The following RAB2B variants were observed in gnomAD, a reference collection of about 807,000 sequenced individuals.
RAB2B encodes RAB2B, member RAS oncogene family.
A neutral mutation model predicts 29.8 loss-of-function variants in RAB2B; 20 were observed. The ratio of observed to expected loss-of-function variants is 0.67; its 90% CI spans 0.47 to 0.97. The LOEUF is 0.97. RAB2B is among the 50% of genes least tolerant of loss of function. The probability of loss-of-function intolerance (pLI) is 0.00; values close to 1 mark genes in which losing one functional copy is unlikely to be tolerated. For missense variants in RAB2B, 218 were observed against 272.0 expected (o/e 0.80, Z 1.40); for synonymous variants, 93 against 91.7 (o/e 1.01, Z -0.08).
chr14:21,474,808 T>C, intron 3 of RAB2B, 59 bp downstream of exon 3: 2 of 1,401,610 alleles, frequency 1.4e-6, no homozygotes, highest in Non-Finnish European at 2.0e-6. Context: ...TTCCTTTGCA[T>C]CAGCTTTTCT....
At chr14:21,471,473 C>A (rs142533041) in intron 3 of RAB2B, among the ~76,000 whole-genome samples, 1 of 151,818 alleles carries the variant, frequency 6.6e-6, no homozygotes, top group African/African-American at 2.4e-5. Flanking sequence ...AAAAAATTAG[C>A]CAGGTGTGAT....
intron 5 of RAB2B, 45 bp from the exon 6 acceptor site, chr14:21,463,812 G>A (rs1566467205): frequency 2.4e-6 from 3 of 1,261,646 alleles, no homozygotes; most frequent in African/African-American, 1.5e-5. Context: ...AAAGATCCAA[G>A]TGAAAGAGGA....
At chr14:21,461,734 G>A (rs1464520361) in intron 7 of RAB2B, among the ~76,000 whole-genome samples, 1 of 152,128 alleles carries the variant, frequency 6.6e-6, no homozygotes, top group East Asian at 1.9e-4. Context: ...GTGCGCCACT[G>A]CACCCCTGTG....
intron 3 of RAB2B, chr14:21,474,443 TAAAAAC>T (rs6145264): frequency 0.82 from 141,894 of 173,344 alleles, 59,601 homozygotes; most frequent in Middle Eastern, 0.92. Context: ...TAAACACTAA[TAAAAAC>T]AAAACTACTA....
At chr14:21,473,083 T>G (rs535726002) in intron 3 of RAB2B, among the ~76,000 whole-genome samples, 17 of 144,068 alleles carry the variant, frequency 1.2e-4, no homozygotes, top group African/African-American at 3.8e-4. Context: ...TCTGTAGAGA[T>G]AGACGGATAG....
chr14:21,465,653 G>A (rs1478355872), intron 5 of RAB2B, among the ~76,000 whole-genome samples: 1 of 152,048 alleles, frequency 6.6e-6, no homozygotes, highest in Non-Finnish European at 1.5e-5. Context: ...ACTTTAAAAT[G>A]CTTCAGGTGT....
chr14:21,476,622 G>A (rs200880294), intron 1 of RAB2B, 23 bp from the exon 2 acceptor site: 19 of 1,613,480 alleles, frequency 1.2e-5, no homozygotes, highest in South Asian at 1.1e-4. Context: ...GCACACTCCC[G>A]GAATCACGCA....
At chr14:21,462,709 G>A (rs1307433696) in intron 6 of RAB2B, among the ~76,000 whole-genome samples, 5 of 151,692 alleles carry the variant, frequency 3.3e-5, no homozygotes, top group African/African-American at 9.7e-5. Flanking sequence ...GCGTGGTGGC[G>A]CATGCCTGTA....
chr14:21,475,046 A>C (rs1890914438), intron 2 of RAB2B, 112 bp from the exon 3 acceptor site: 1 of 766,234 alleles, frequency 1.3e-6, no homozygotes, highest in Admixed American at 2.1e-5. Context: ...TCTGAACTCA[A>C]TGCCACTAAT....
chr14:21,469,957 TC>T (rs372920041), intron 3 of RAB2B, among the ~76,000 whole-genome samples: 1,815 of 123,690 alleles, frequency 0.015, 55 homozygotes, highest in African/African-American at 0.084. Context: ...TTTTTTTTTT[TC>T]TTTTTTTTTT....
intron 3 of RAB2B, among the ~76,000 whole-genome samples, chr14:21,469,955 TTTC>T (rs1167736783): frequency 0.065 from 9,460 of 146,084 alleles, 1,137 homozygotes; most frequent in African/African-American, 0.25. Flanking sequence ...CCTTTTTTTT[TTTC>T]TTTTTTTTTT....
chr14:21,461,339 T>C (rs746053735), intron 7 of RAB2B, 36 bp from the exon 8 acceptor site: 28 of 1,483,916 alleles, frequency 1.9e-5, no homozygotes, highest in Non-Finnish European at 2.4e-5. Context: ...CCCACCTCAG[T>C]GTTAAAGTGA....
At position 21,460,410 on chromosome 14, in the gene RAB2B, C is replaced by A. The variant is rs1406957668; in HGVS notation, c.*786G>T. 8 of 416,408 alleles carry A rather than the reference C, an allele frequency of 1.9e-5. No homozygotes were observed. The highest frequency in any genetic ancestry group is 1.1e-4 in the South Asian group (6 of 56,598). 25.8% of individuals were successfully genotyped at this position (416,408 alleles called of 1,614,324 possible). A position where few individuals can be genotyped will look rare whatever the true frequency, so the allele number is the denominator to read the frequency against. ...GACCATCCTGGCCAACATGGTGAAA[C>A]CCTGTCTCTACTAAAAATACAAAAA... is the stretch of plus-strand genomic sequence containing the variant. On this transcript the variant is annotated 3_prime_UTR_variant, in exon 8 of 8. Transcript: ENST00000397762.
At chr14:21,470,682 C>T (rs919682660) in intron 3 of RAB2B, among the ~76,000 whole-genome samples, 2 of 152,130 alleles carry the variant, frequency 1.3e-5, no homozygotes, top group Non-Finnish European at 2.9e-5. Context: ...CCTTTTAGCA[C>T]TTACTTTTTC....
intron 7 of RAB2B, 77 bp from the exon 8 acceptor site, chr14:21,461,380 G>T: frequency 1.2e-6 from 1 of 858,602 alleles, no homozygotes; most frequent in Admixed American, 2.6e-5. Flanking sequence ...ATCTCTGCTT[G>T]TATCCCAGGG....
intron 7 of RAB2B, 127 bp downstream of exon 7, chr14:21,462,222 TG>T: frequency 1.8e-6 from 1 of 549,584 alleles, no homozygotes; most frequent in Non-Finnish European, 2.8e-6. Flanking sequence ...AAAAAAAAAG[TG>T]TTGAATTGGC....
Position 21,476,611 on chromosome 14 carries a change from A to G in RAB2B, c.47-12T>C, listed in dbSNP as rs1890975416. 3 of 1,613,736 alleles carry G rather than the reference A, an allele frequency of 1.9e-6. No homozygotes were observed. Among genetic ancestry groups the G allele is most frequent in the South Asian group, 1.1e-5 (1 of 91,082 alleles). On this transcript the variant is annotated splice_polypyrimidine_tract_variant and intron_variant, in intron 1 of 7. Transcript: ENST00000397762. ...TGACTTCCCCACACCTGAAAGAGAA[A>G]GCACACTCCCGGAATCACGCAGCCC...
At chr14:21,463,918 AT>A in intron 5 of RAB2B, 151 bp from the exon 6 acceptor site, 1 of 589,220 alleles carries the variant, frequency 1.7e-6, no homozygotes, top group Non-Finnish European at 3.0e-6. Flanking sequence ...AGAGTTACTG[AT>A]TTTTGTAGCA....
At chr14:21,472,161 T>C (rs1034908365) in intron 3 of RAB2B, among the ~76,000 whole-genome samples, 3 of 152,178 alleles carry the variant, frequency 2.0e-5, no homozygotes, top group Non-Finnish European at 2.9e-5. Context: ...TTTAATTGCA[T>C]TCCAAAGTAA....
Sources: allele counts gnomAD v4.1 joint callset (sites outside exome capture counted in the v4.1 genomes callset), GRCh38; gene constraint gnomAD v4.1.1; transcripts MANE v1.5; gene names NCBI Gene and HGNC (gene_info 2026-07-23, HGNC 2026-07-21).